KHDRBS2: variants seen among roughly 807,000 people sequenced by gnomAD.
KHDRBS2 encodes the protein KH RNA binding domain containing, signal transduction associated 2.
KHDRBS2 carries 26 observed loss-of-function variants against 44.3 expected under a neutral mutation model. That is an observed-to-expected ratio of 0.59 (90% CI 0.43 to 0.81). KHDRBS2 has a LOEUF of 0.81. Ranked by LOEUF, KHDRBS2 falls within the 40% of genes least tolerant of loss-of-function variation. The pLI is 0.00. For missense variants in KHDRBS2, 476 were observed against 433.1 expected (o/e 1.10, Z -0.88); for synonymous variants, 194 against 151.1 (o/e 1.28, Z -2.08).
At chr6:62,109,216 A>G (rs1804402279) in intron 2 of KHDRBS2, among the ~76,000 whole-genome samples, 2 of 152,132 alleles carry the variant, frequency 1.3e-5, no homozygotes. Context: ...CCATATTAAC[A>G]ATCTAAACAA....
intron 2 of KHDRBS2, among the ~76,000 whole-genome samples, chr6:62,060,852 T>C (rs1231213658): frequency 1.3e-5 from 2 of 151,896 alleles, no homozygotes; most frequent in African/African-American, 4.8e-5. Flanking sequence ...GTTGATTAGA[T>C]ATATTGTGTG....
the KHDRBS2 span, among the ~76,000 whole-genome samples, chr6:61,544,991 T>G: frequency 2.0e-5 from 3 of 151,930 alleles, no homozygotes; most frequent in Non-Finnish European, 4.4e-5. Context: ...AATGACGAGT[T>G]AATGGGTGCA....
the KHDRBS2 span, among the ~76,000 whole-genome samples, chr6:61,660,060 C>A: frequency 6.6e-6 from 1 of 151,798 alleles, no homozygotes; most frequent in South Asian, 2.1e-4. Context: ...ACCATAATTT[C>A]TCATCCCTAC....
chr6:61,592,230 A>T, the KHDRBS2 span, among the ~76,000 whole-genome samples: 2 of 150,376 alleles, frequency 1.3e-5, no homozygotes, highest in East Asian at 3.9e-4. Context: ...AGAAGAAAAG[A>T]GCTACAGATT....
chr6:61,607,337 C>T, the KHDRBS2 span, among the ~76,000 whole-genome samples: 14 of 149,948 alleles, frequency 9.3e-5, no homozygotes, highest in African/African-American at 2.9e-4. Context: ...TTAATAAACA[C>T]ACAGAAGAGG....
chr6:62,122,934 G>T (rs1212483372), intron 2 of KHDRBS2, among the ~76,000 whole-genome samples: 1 of 125,098 alleles, frequency 8.0e-6, no homozygotes, highest in Non-Finnish European at 1.7e-5. Flanking sequence ...AAGTTCTAGG[G>T]TACATGTGAA....
chr6:62,050,056 A>C (rs1788632138), intron 2 of KHDRBS2, among the ~76,000 whole-genome samples: 1 of 152,096 alleles, frequency 6.6e-6, no homozygotes, highest in South Asian at 2.1e-4. Context: ...CCCATCAATA[A>C]CAGACTAGAT....
chr6:62,042,379 G>A (rs1786715661), intron 3 of KHDRBS2, among the ~76,000 whole-genome samples: 3 of 152,120 alleles, frequency 2.0e-5, no homozygotes, highest in Non-Finnish European at 4.4e-5. Flanking sequence ...CAGAAGGCCA[G>A]TCAAGAAAGA....
chr6:61,797,723 T>TTTTGTGTG (rs201068085), intron 6 of KHDRBS2, among the ~76,000 whole-genome samples: 13 of 130,316 alleles, frequency 1.0e-4, no homozygotes, highest in Admixed American at 9.9e-4. Flanking sequence ...CAGTATGGTG[T>TTTTGTGTG]TTTGTGTGTG....
Position 62,117,691 on chromosome 6 carries a change from T to A in KHDRBS2, c.219+59494A>T, listed in dbSNP as rs1806598641. Among the ~76,000 whole-genome samples the A allele has an allele frequency of 2.6e-5, 4 of 152,192 alleles. No homozygotes were observed. The South Asian group carries it at 8.3e-4, about 31-fold the overall frequency. On this transcript the variant is annotated intron_variant, in intron 2 of 8. Coordinates refer to ENST00000281156, the MANE Select transcript of KHDRBS2 (RefSeq NM_152688.4). ...CAAAATGTGCTTTCCCAGACCAATG[T>A]CCTGAGGTGTTTTTCCAATATTTTC...
rs564262039 is a variant in KHDRBS2 at position 61,963,401 on chromosome 6, G to A, written c.483+14665C>T. ...TTGCTCTAATATAACAATCTCTAAA[G>A]TATGTTGAGATGAAATTAGATAACT... On this transcript the variant is annotated intron_variant, in intron 4 of 8. Coordinates refer to ENST00000281156, the MANE Select transcript of KHDRBS2 (RefSeq NM_152688.4). Among the ~76,000 whole-genome samples, 6 of 152,104 alleles carry A rather than the reference G, an allele frequency of 3.9e-5. 1 individual carries two copies. Among genetic ancestry groups the A allele is most frequent in the African/African-American group, 1.2e-4 (5 of 41,512 alleles).
At chr6:62,236,775 T>C (rs931010995) in intron 1 of KHDRBS2, among the ~76,000 whole-genome samples, 1 of 152,132 alleles carries the variant, frequency 6.6e-6, no homozygotes, top group Non-Finnish European at 1.5e-5. Flanking sequence ...TAGGTATATT[T>C]CTATATTGAT....
intron 6 of KHDRBS2, among the ~76,000 whole-genome samples, chr6:61,840,808 T>C (rs1299025519): frequency 6.6e-6 from 1 of 152,154 alleles, no homozygotes; most frequent in Non-Finnish European, 1.5e-5. Flanking sequence ...TGTTTTTACA[T>C]GGGAGTAGAA....
chr6:61,997,706 T>G (rs868678027), intron 3 of KHDRBS2, among the ~76,000 whole-genome samples: 6 of 152,172 alleles, frequency 3.9e-5, no homozygotes, highest in African/African-American at 1.4e-4. Context: ...AAGGATATAG[T>G]GAGCAGCATC....
chr6:62,237,622 A>G (rs1213949521), intron 1 of KHDRBS2, among the ~76,000 whole-genome samples: 1 of 152,198 alleles, frequency 6.6e-6, no homozygotes, highest in Non-Finnish European at 1.5e-5. Context: ...TTATAAAAGT[A>G]TTTTATAATA....
chr6:61,905,412 G>A (rs1049198868), intron 4 of KHDRBS2, among the ~76,000 whole-genome samples: 1 of 151,388 alleles, frequency 6.6e-6, no homozygotes, highest in Admixed American at 6.6e-5. Flanking sequence ...GAAATAGCTA[G>A]ACGTATAATG....
intron 7 of KHDRBS2, among the ~76,000 whole-genome samples, chr6:61,721,386 C>T (rs1254779930): frequency 7.2e-5 from 11 of 151,746 alleles, no homozygotes; most frequent in South Asian, 2.1e-4. Context: ...GCCATTTTCA[C>T]GATATTGATT....
At chr6:61,585,170 T>G in the KHDRBS2 span, among the ~76,000 whole-genome samples, 1 of 151,950 alleles carries the variant, frequency 6.6e-6, no homozygotes, top group Non-Finnish European at 1.5e-5. Flanking sequence ...TGTGGATTTG[T>G]GCCTAGGACC....
chr6:61,859,771 T>C (rs565770419), intron 6 of KHDRBS2, among the ~76,000 whole-genome samples: 10 of 151,936 alleles, frequency 6.6e-5, no homozygotes, highest in Non-Finnish European at 1.3e-4. Context: ...ATTTAACATA[T>C]GTATATAAAT....
Sources: allele counts gnomAD v4.1 joint callset (sites outside exome capture counted in the v4.1 genomes callset), GRCh38; gene constraint gnomAD v4.1.1; transcripts MANE v1.5; gene names NCBI Gene and HGNC (gene_info 2026-07-23, HGNC 2026-07-21).